Variants in TRIM66 observed in about 807,000 individuals in gnomAD.
TRIM66 encodes tripartite motif containing 66, also known as tripartite motif-containing protein 66.
A neutral mutation model predicts 148.2 loss-of-function variants in TRIM66; 99 were observed. The observed-to-expected ratio is 0.67, with a 90% CI of 0.57 to 0.79. The LOEUF is 0.79. Ranked by LOEUF, TRIM66 falls within the 30% of genes least tolerant of loss-of-function variation. The probability of loss-of-function intolerance (pLI) is 0.00; values close to 1 mark genes in which losing one functional copy is unlikely to be tolerated. For missense variants in TRIM66, 1,666 were observed against 1,697.9 expected (o/e 0.98, Z 0.33); for synonymous variants, 616 against 635.9 (o/e 0.97, Z 0.47).
Position 8,640,268 on chromosome 11 carries a change from G to C in TRIM66, c.2107C>G (p.Pro703Ala). 1 of 1,551,658 alleles carries C rather than the reference G, an allele frequency of 6.4e-7. No individual in the cohort carries two copies. The highest frequency in any genetic ancestry group is 8.7e-7 in the Non-Finnish European group (1 of 1,147,002). ...TGGCTCTGGGACTGGACAGGTGCTGGCTGCCTCACGATGTAGTTGATCTGC... is the reference window on the plus strand; with the variant it reads ...TGGCTCTGGGACTGGACAGGTGCTGCCTGCCTCACGATGTAGTTGATCTGC... Reference protein sequence around the residue: ...VGQINYIVRQPAPVQSQSQEE... With the variant: ...VGQINYIVRQAAPVQSQSQEE... Residue 703 changes from proline to alanine, a missense_variant, in exon 14 of 25, where the codon CCA (proline) becomes GCA (alanine). By Grantham distance (27) the Pro-to-Ala change is conservative (BLOSUM62 -1). This residue lies in a region of TRIM66 where 1,431 missense variants were observed against 1,412.4 expected (regional missense o/e 1.01). Coordinates refer to ENST00000646038, the MANE Select transcript of TRIM66 (RefSeq NM_001388022.1).
rs1329170133 is a variant in TRIM66, at chr11:8,664,911, G to A, written c.340+6875C>T. ...GTTGAAAACAAGCTGGACAGACCCT[G>A]AGCCCAGGCACAGCCCCTCTTCCAT... On this transcript the variant is annotated intron_variant, in intron 6 of 24. Coordinates refer to ENST00000646038, the MANE Select transcript of TRIM66 (RefSeq NM_001388022.1). 2.0e-5 allele frequency among the ~76,000 whole-genome samples: 3 copies of A among 152,178 alleles called. No individual in the cohort carries two copies. In the East Asian group the frequency reaches 5.8e-4, roughly 29 times the overall value.
At chr11:8,645,376 C>T (rs1198694377) in intron 12 of TRIM66, among the ~76,000 whole-genome samples, 1 of 152,192 alleles carries the variant, frequency 6.6e-6, no homozygotes, top group African/African-American at 2.4e-5. Context: ...TCTCTCAGAC[C>T]CCCGTGTAAA....
intron 19 of TRIM66, 104 bp downstream of exon 19, chr11:8,621,541 C>A: frequency 7.1e-7 from 1 of 1,402,142 alleles, no homozygotes; most frequent in East Asian, 2.5e-5. Context: ...GCAGCCCCAT[C>A]AGAGACTCAG....
chr11:8,682,692 A>C, upstream of TRIM66: 2 of 1,176,322 alleles, frequency 1.7e-6, no homozygotes, highest in South Asian at 1.2e-5. Flanking sequence ...ATCCCGCGAG[A>C]CCAGGAGGCC....
chr11:8,654,238 A>C (rs540639821), intron 6 of TRIM66, among the ~76,000 whole-genome samples: 4 of 152,164 alleles, frequency 2.6e-5, no homozygotes, highest in Admixed American at 6.5e-5. Context: ...AATTGACCTT[A>C]TCTCTCTCTA....
chr11:8,622,769 G>A, intron 18 of TRIM66, 47 bp downstream of exon 18: 1 of 1,514,392 alleles, frequency 6.6e-7, no homozygotes, highest in Non-Finnish European at 9.0e-7. Flanking sequence ...CAGCATCTCA[G>A]GACGTGAAGT....
In TRIM66 at chr11:8,614,194, C is replaced by A. The variant is rs1191156390; in HGVS notation, c.*3750G>T. Reference sequence around the variant, plus strand: ...TCTCTACCTAAAGTAGAAAAATTAGCCAGGCATGGTGGCATGCACCTGTAG... The same window carrying A: ...TCTCTACCTAAAGTAGAAAAATTAGACAGGCATGGTGGCATGCACCTGTAG... On this transcript the variant is annotated 3_prime_UTR_variant, in exon 25 of 25. Transcript: ENST00000646038. 3 of 152,150 alleles carry A rather than the reference C, an allele frequency of 2.0e-5. No homozygotes were observed. Among genetic ancestry groups the A allele is most frequent in the Non-Finnish European group, 2.9e-5 (2 of 68,108 alleles). The allele number at this position is 152,150 out of a possible 1,614,324, so 9.4% of individuals were successfully genotyped here.
chr11:8,670,075 C>A (rs1370958093), intron 6 of TRIM66, among the ~76,000 whole-genome samples: 1 of 148,636 alleles, frequency 6.7e-6, no homozygotes, highest in African/African-American at 2.5e-5. Context: ...TGCAGTGGTG[C>A]GATCTTGGCT....
chr11:8,622,093 T>C (rs964342566), intron 18 of TRIM66, among the ~76,000 whole-genome samples: 49 of 151,326 alleles, frequency 3.2e-4, no homozygotes, highest in African/African-American at 1.2e-3. Context: ...CAGGAAAACA[T>C]GAAAAGGAGA....
In TRIM66 at chr11:8,682,619, C is replaced by CCAGGACACTCCGTGATGGGGGAT. The variant is rs1443938360; in HGVS notation, c.-589_-567dup. 4.6e-5 allele frequency: 30 copies of CCAGGACACTCCGTGATGGGGGAT among 657,642 alleles called. 1 individual carries two copies. The African/African-American group carries it at 5.0e-4, about 11-fold the overall frequency. The allele number at this position is 657,642 out of a possible 1,614,324, so 40.7% of individuals were successfully genotyped here. ...GCCTCACCGAAACCGTACACCGCCA[C>CCAGGACACTCCGTGATGGGGGAT]CAGGACACTCCGTGATGGGGGATCA... is the stretch of plus-strand genomic sequence containing the variant. On this transcript the variant is annotated 5_prime_UTR_variant, in exon 1 of 25. Transcript: ENST00000646038.
Position 8,624,407 on chromosome 11 carries a change from G to T in TRIM66, c.2971C>A (p.Pro991Thr), listed in dbSNP as rs768202636. The T allele has an allele frequency of 1.3e-6, 2 of 1,551,606 alleles. No homozygotes were observed. The highest frequency in any genetic ancestry group is 2.4e-5 in the South Asian group (2 of 84,032). ...AGAGCTGTAGACGTGCTGACCACTGGCGCCAGTGGAGGTTTCTTCACAGAG... is the reference window on the plus strand; with the variant it reads ...AGAGCTGTAGACGTGCTGACCACTGTCGCCAGTGGAGGTTTCTTCACAGAG... ...NLSVKKPPLA[P>T]VVSTSTALQQ... The change falls in exon 17 of 25, where the codon CCA becomes ACA. Residue 991 changes from proline to threonine, a missense_variant. By Grantham distance (38) the Pro-to-Thr change is conservative (BLOSUM62 -1). Transcript: ENST00000646038.
chr11:8,614,651 G>A lies in TRIM66; in HGVS notation c.*3293C>T, dbSNP rs1383791675. ...GACTATAAGTGACTCCATGGAGTGA[G>A]AGAGGGAGCAGAACAGAGCCCAGGA... On this transcript the variant is annotated 3_prime_UTR_variant, in exon 25 of 25. Coordinates refer to ENST00000646038, the MANE Select transcript of TRIM66 (RefSeq NM_001388022.1). 1 of 152,508 alleles carries A rather than the reference G, an allele frequency of 6.6e-6. No homozygotes were observed. Among genetic ancestry groups the A allele is most frequent in the African/African-American group, 2.4e-5 (1 of 41,458 alleles). The allele number at this position is 152,508 out of a possible 1,614,324, so 9.4% of individuals were successfully genotyped here. A position where few individuals can be genotyped will look rare whatever the true frequency, so the allele number is the denominator to read the frequency against.
At chr11:8,639,888 C>T (rs946588053) in intron 14 of TRIM66, among the ~76,000 whole-genome samples, 3 of 152,202 alleles carry the variant, frequency 2.0e-5, no homozygotes, top group South Asian at 2.1e-4. Flanking sequence ...TAAGAGACAG[C>T]CTCTCTTCTG....
intron 15 of TRIM66, among the ~76,000 whole-genome samples, chr11:8,633,622 C>T (rs190374449): frequency 5.7e-4 from 87 of 152,252 alleles, no homozygotes; most frequent in African/African-American, 2.1e-3. Context: ...CTTCAGCAGG[C>T]CCCGGGAACA....
Position 8,621,278 on chromosome 11 carries a change from A to C in TRIM66, c.3299T>G (p.Leu1100Arg), listed in dbSNP as rs1190112664. 5 of 1,551,694 alleles carry C rather than the reference A, an allele frequency of 3.2e-6. No individual in the cohort carries two copies. Among genetic ancestry groups the C allele is most frequent in the Non-Finnish European group, 4.4e-6 (5 of 1,146,988 alleles). ...RLSEATQAPG[L>R]EGRKVTVTSL... ...AGTGACAGTGACCTTTCTTCCCTCC[A>C]GACCTGGGGCCTGGGTGGCCTCAGA... Residue 1100 changes from leucine to arginine, a missense_variant, in exon 20 of 25, where the codon CTG becomes CGG. Leu to Arg is a moderately radical substitution (Grantham distance 102, BLOSUM62 -2). Around this residue, in one of 3 missense-constraint regions of TRIM66, gnomAD observed 1,431 missense variants for 1,412.4 expected, o/e 1.01. Transcript: ENST00000646038.
intron 6 of TRIM66, among the ~76,000 whole-genome samples, chr11:8,659,466 GA>G (rs1300258427): frequency 6.6e-6 from 1 of 152,180 alleles, no homozygotes; most frequent in Non-Finnish European, 1.5e-5. Flanking sequence ...GAAGAACAAG[GA>G]ATCAAGTGGA....
chr11:8,617,817 G>A lies in TRIM66; in HGVS notation c.*127C>T, dbSNP rs898715917. ...TGCTGTAGATGCAAATGGCAAAGAA[G>A]AGCACTACACAGTTCAACAAGACTC... is the stretch of plus-strand genomic sequence containing the variant. On this transcript the variant is annotated 3_prime_UTR_variant, in exon 25 of 25. Transcript: ENST00000646038. 3 of 840,684 alleles carry A rather than the reference G, an allele frequency of 3.6e-6. No homozygotes were observed. Among genetic ancestry groups the A allele is most frequent in the African/African-American group, 1.7e-5 (1 of 58,478 alleles). The allele number at this position is 840,684 out of a possible 1,614,324, so 52.1% of individuals were successfully genotyped here. A position where few individuals can be genotyped will look rare whatever the true frequency, so the allele number is the denominator to read the frequency against.
At chr11:8,660,847 C>T (rs2038200377) in intron 6 of TRIM66, among the ~76,000 whole-genome samples, 2 of 152,234 alleles carry the variant, frequency 1.3e-5, no homozygotes, top group South Asian at 4.1e-4. Flanking sequence ...GAGGAAAGAA[C>T]ATCATAAATG....
At chr11:8,620,877 T>C (rs1172943547) in intron 20 of TRIM66, among the ~76,000 whole-genome samples, 155 bp downstream of exon 20, 1 of 152,204 alleles carries the variant, frequency 6.6e-6, no homozygotes, top group African/African-American at 2.4e-5. Flanking sequence ...GTGCAGAAGA[T>C]ACCCAGGCCC....
Sources: allele counts gnomAD v4.1 joint callset (sites outside exome capture counted in the v4.1 genomes callset), GRCh38; gene constraint gnomAD v4.1.1; regional missense constraint gnomAD v4.1.1; transcripts MANE v1.5; gene names NCBI Gene and HGNC (gene_info 2026-07-23, HGNC 2026-07-21).